Variants in ELFN1 observed in about 807,000 individuals in gnomAD.
ELFN1 encodes extracellular leucine rich repeat and fibronectin type III domain containing 1.
ELFN1 carries 6 observed loss-of-function variants against 7.6 expected under a neutral mutation model. That is an observed-to-expected ratio of 0.79 (90% CI 0.43 to 1.56). The LOEUF (loss-of-function observed/expected upper bound fraction) is 1.56, where lower values mean the gene tolerates loss of function less well. Ranked by LOEUF, ELFN1 falls within the 40% of genes most tolerant of loss-of-function variation. The pLI, the probability that ELFN1 is intolerant of heterozygous loss-of-function variation, is 0.01. For synonymous variants in ELFN1, 657 were observed against 588.1 expected (o/e 1.12, Z -1.70); for missense variants, 1,169 against 1,232.2 (o/e 0.95, Z 0.77).
chr7:1,675,092 G>GCCCAC (rs2128574041), intron 1 of ELFN1, among the ~76,000 whole-genome samples: 1 of 152,308 alleles, frequency 6.6e-6, no homozygotes, highest in Non-Finnish European at 1.5e-5. Context: ...GGACCCGGCA[G>GCCCAC]CCCACGGCGT....
chr7:1,706,796 G>A (rs1030925379), intron 2 of ELFN1, among the ~76,000 whole-genome samples: 8 of 152,228 alleles, frequency 5.3e-5, no homozygotes, highest in Non-Finnish European at 7.3e-5. Flanking sequence ...ACCCCACCTT[G>A]TGTCCAGCCC....
At position 1,673,643 on chromosome 7, in the gene ELFN1, A is replaced by G. The variant is rs900458095; in HGVS notation, c.-549+3289A>G. The stretch of plus-strand genomic sequence containing the variant: ...CAGACAAGGGCCAACTGTGTGCCCT[A>G]CCTGGAGCCTGGGACAAAGCCCAGA... On this transcript the variant is annotated intron_variant, in intron 1 of 3. Coordinates refer to ENST00000424383, the MANE Select transcript of ELFN1 (RefSeq NM_001128636.4). The surrounding 1 kb of genome is among the most constrained non-coding windows in gnomAD (Gnocchi z 4.7). Among the ~76,000 whole-genome samples, 2 of 152,194 alleles carry G rather than the reference A, an allele frequency of 1.3e-5. No homozygotes were observed. Among genetic ancestry groups the G allele is most frequent in the Admixed American group, 1.3e-4 (2 of 15,280 alleles).
At chr7:1,667,797 C>A (rs1778692191), upstream of ELFN1, among the ~76,000 whole-genome samples, 1 of 152,188 alleles carries the variant, frequency 6.6e-6, no homozygotes, top group Non-Finnish European at 1.5e-5. This position sits in a 1 kb window ranked among gnomAD's most constrained non-coding sequence, Gnocchi z 8.2. Flanking sequence ...GGGGGAGGGG[C>A]AGGGGGCGTG....
At chr7:1,742,858 TA>T (rs1247351106) in intron 3 of ELFN1, among the ~76,000 whole-genome samples, 1 of 152,248 alleles carries the variant, frequency 6.6e-6, no homozygotes, top group Non-Finnish European at 1.5e-5. Flanking sequence ...TACATCATTA[TA>T]TTTTTTTTCT....
In ELFN1 at chr7:1,747,209, G is replaced by T; in HGVS notation, c.*126G>T. The T allele has an allele frequency of 8.7e-7, 1 of 1,143,608 alleles. No homozygotes were observed. The highest frequency in any genetic ancestry group is 1.9e-5 in the South Asian group (1 of 52,398). 70.8% of individuals were successfully genotyped at this position (1,143,608 alleles called of 1,614,324 possible). Reference sequence around the variant, plus strand: ...TGACAGCGGGGGGCCCTGCAGAGGCGAGGGGGGAGCGAGTGGGGACAGACA... The same window carrying T: ...TGACAGCGGGGGGCCCTGCAGAGGCTAGGGGGGAGCGAGTGGGGACAGACA... On this transcript the variant is annotated 3_prime_UTR_variant, in exon 4 of 4. Transcript: ENST00000424383.
intron 2 of ELFN1, among the ~76,000 whole-genome samples, chr7:1,707,895 G>C (rs1779568770): frequency 6.6e-6 from 1 of 152,192 alleles, no homozygotes; most frequent in Non-Finnish European, 1.5e-5. Context: ...CCCTGGAGCT[G>C]TGGGAGCGGG....
intron 2 of ELFN1, chr7:1,693,330 AAG>A (rs1411846704): frequency 1.3e-5 from 6 of 460,428 alleles, no homozygotes; most frequent in Non-Finnish European, 2.8e-5. Context: ...GCCCGATTCC[AAG>A]AGTCTGGGCA....
intron 3 of ELFN1, among the ~76,000 whole-genome samples, chr7:1,721,434 C>CA (rs956262949): frequency 6.6e-6 from 1 of 152,228 alleles, no homozygotes; most frequent in African/African-American, 2.4e-5. Flanking sequence ...AAGGCACACA[C>CA]AAGGCAGCGA....
intron 2 of ELFN1, among the ~76,000 whole-genome samples, chr7:1,702,292 C>T (rs941401885): frequency 5.3e-5 from 8 of 151,742 alleles, no homozygotes; most frequent in South Asian, 2.1e-4. Context: ...AGCGTGATGG[C>T]GGGTGCCTGT....
At chr7:1,733,328 G>A (rs1213549655) in intron 3 of ELFN1, among the ~76,000 whole-genome samples, 3 of 152,266 alleles carry the variant, frequency 2.0e-5, no homozygotes, top group South Asian at 4.1e-4. Context: ...CCGTGTGAGC[G>A]AGGGCTGGTG....
intron 2 of ELFN1, among the ~76,000 whole-genome samples, chr7:1,706,872 G>T (rs1398820578): frequency 6.6e-6 from 1 of 152,278 alleles, no homozygotes; most frequent in African/African-American, 2.4e-5. Context: ...TGTGCCCGAG[G>T]TGGTGCATTG....
Position 1,747,216 on chromosome 7 carries a change from G to C in ELFN1, c.*133G>C. 9.4e-7 allele frequency: 1 copy of C among 1,069,152 alleles called. No homozygotes were observed. The highest frequency in any genetic ancestry group is 1.3e-6 in the Non-Finnish European group (1 of 780,428). The allele number at this position is 1,069,152 out of a possible 1,614,324, so 66.2% of individuals were successfully genotyped here. On this transcript the variant is annotated 3_prime_UTR_variant, in exon 4 of 4. Coordinates refer to ENST00000424383, the MANE Select transcript of ELFN1 (RefSeq NM_001128636.4). Reference sequence around the variant, plus strand: ...GGGGGGCCCTGCAGAGGCGAGGGGGGAGCGAGTGGGGACAGACAAGGGGGA... The same window carrying C: ...GGGGGGCCCTGCAGAGGCGAGGGGGCAGCGAGTGGGGACAGACAAGGGGGA...
At chr7:1,696,277 GGA>G (rs369346750) in intron 2 of ELFN1, among the ~76,000 whole-genome samples, 58 of 145,352 alleles carry the variant, frequency 4.0e-4, no homozygotes, top group Non-Finnish European at 4.7e-4. Flanking sequence ...AGAAAGAGAT[GGA>G]GAGAGAGAGA....
At chr7:1,668,691 A>T (rs865956756), upstream of ELFN1, among the ~76,000 whole-genome samples, 1 of 152,188 alleles carries the variant, frequency 6.6e-6, no homozygotes, top group Non-Finnish European at 1.5e-5. Flanking sequence ...GCCTCGTTCC[A>T]CAGGCCCAGG....
intron 3 of ELFN1, among the ~76,000 whole-genome samples, chr7:1,737,878 G>A (rs1030213085): frequency 6.6e-6 from 1 of 152,170 alleles, no homozygotes; most frequent in Non-Finnish European, 1.5e-5. Context: ...TGTTCTCCCG[G>A]CTTCTGTGTC....
chr7:1,674,514 G>A (rs1242962284), intron 1 of ELFN1, among the ~76,000 whole-genome samples: 2 of 152,182 alleles, frequency 1.3e-5, no homozygotes, highest in Non-Finnish European at 2.9e-5. Flanking sequence ...GGTGGGCAGA[G>A]TTTAGATAAC....
chr7:1,697,986 G>A (rs1222556990), intron 2 of ELFN1, among the ~76,000 whole-genome samples: 1 of 152,288 alleles, frequency 6.6e-6, no homozygotes, highest in East Asian at 1.9e-4. Flanking sequence ...GCCGGCCGGC[G>A]GGCGGGCGCT....
chr7:1,678,831 T>G (rs1451191905), intron 1 of ELFN1, among the ~76,000 whole-genome samples: 1 of 152,214 alleles, frequency 6.6e-6, no homozygotes, highest in Non-Finnish European at 1.5e-5. Flanking sequence ...GAGGGAATAT[T>G]TGGCACAGCA....
At chr7:1,667,040 C>G (rs1192059363), upstream of ELFN1, among the ~76,000 whole-genome samples, 1 of 151,614 alleles carries the variant, frequency 6.6e-6, no homozygotes, top group African/African-American at 2.4e-5. This position sits in a 1 kb window ranked among gnomAD's most constrained non-coding sequence, Gnocchi z 8.2. Context: ...AGAGCGGACC[C>G]CCAGCTCTCC....
Sources: gnomAD v4.1 joint callset for allele counts (sites outside exome capture counted in the v4.1 genomes callset) on GRCh38, gnomAD v4.1.1 for gene constraint, Gnocchi (gnomAD v3.1) non-coding constraint, MANE v1.5 for transcripts, NCBI Gene and HGNC (gene_info 2026-07-23, HGNC 2026-07-21) for gene names.